CDH13: variants seen among roughly 807,000 people sequenced by gnomAD.
CDH13 encodes the protein cadherin 13.
In CDH13, 24 loss-of-function variants were observed where a neutral mutation model predicts 63.8. That is an observed-to-expected ratio of 0.38 (90% CI 0.27 to 0.53). The LOEUF (loss-of-function observed/expected upper bound fraction) is 0.53, where lower values mean the gene tolerates loss of function less well. Ranked by LOEUF, CDH13 falls within the 20% of genes least tolerant of loss-of-function variation. The pLI is 0.85. For synonymous variants in CDH13, 503 were observed against 355.3 expected, an observed-to-expected ratio of 1.42 and a Z score of -4.67; for missense variants, 1,049 against 903.1, an observed-to-expected ratio of 1.16 and a Z score of -2.07.
rs1598343192 is a variant in CDH13, at chr16:83,593,236, A to G, written c.961-9218A>G. ...GAAACGAATGAATGAATTCCATTAC[A>G]TCTTTGCTATGTAGCTCATGTTAAT... On this transcript the variant is annotated intron_variant, in intron 7 of 13. Transcript: ENST00000567109. Among the ~76,000 whole-genome samples the G allele has an allele frequency of 2.6e-5, 4 of 152,340 alleles. No homozygotes were observed. The South Asian group carries it at 8.3e-4, about 32-fold the overall frequency.
intron 7 of CDH13, among the ~76,000 whole-genome samples, chr16:83,512,795 C>T: frequency 6.6e-6 from 1 of 152,042 alleles, no homozygotes; most frequent in Non-Finnish European, 1.5e-5. Context: ...TAGCCACATC[C>T]CCTGAGATCC....
At chr16:82,949,803 T>C (rs530579899) in intron 2 of CDH13, among the ~76,000 whole-genome samples, 9 of 152,228 alleles carry the variant, frequency 5.9e-5, no homozygotes, top group African/African-American at 2.2e-4. Context: ...TTTGTGTTAA[T>C]TATAAGTTGC....
chr16:83,154,158 C>T (rs150239374), intron 4 of CDH13, among the ~76,000 whole-genome samples: 1 of 152,144 alleles, frequency 6.6e-6, no homozygotes, highest in African/African-American at 2.4e-5. Flanking sequence ...GGTTCTGCCA[C>T]CTTTGTCGTT....
chr16:83,636,098 TAAA>T (rs56081056), intron 8 of CDH13, among the ~76,000 whole-genome samples: 1 of 147,660 alleles, frequency 6.8e-6, no homozygotes, highest in Admixed American at 6.7e-5. Context: ...TCCCCTTGAT[TAAA>T]AAAAAAAAAA....
At chr16:83,364,167 G>T (rs979566979) in intron 6 of CDH13, among the ~76,000 whole-genome samples, 1 of 152,140 alleles carries the variant, frequency 6.6e-6, no homozygotes, top group Non-Finnish European at 1.5e-5. Flanking sequence ...CATCCATCTA[G>T]GTTCTTGGTA....
At chr16:82,993,639 T>G (rs940978294) in intron 2 of CDH13, among the ~76,000 whole-genome samples, 3 of 152,188 alleles carry the variant, frequency 2.0e-5, no homozygotes, top group African/African-American at 7.2e-5. Context: ...TATATCAGAC[T>G]GTGTCTGCTA....
At chr16:82,790,103 CT>C (rs1470208715) in intron 1 of CDH13, among the ~76,000 whole-genome samples, 2 of 152,100 alleles carry the variant, frequency 1.3e-5, no homozygotes, top group East Asian at 3.9e-4. Context: ...ACACACATGC[CT>C]ACACCCCCCC....
chr16:83,243,245 C>G (rs1168548532), intron 5 of CDH13, among the ~76,000 whole-genome samples: 1 of 152,158 alleles, frequency 6.6e-6, no homozygotes, highest in Non-Finnish European at 1.5e-5. Context: ...ATACCTGCGA[C>G]TGGGTAATTT....
chr16:82,859,944 G>C (rs2039870722), intron 2 of CDH13, among the ~76,000 whole-genome samples: 1 of 152,178 alleles, frequency 6.6e-6, no homozygotes. Flanking sequence ...GGCACAATAA[G>C]TGAATTCCAA....
At chr16:83,558,602 A>G (rs1392828288) in intron 7 of CDH13, among the ~76,000 whole-genome samples, 1 of 152,210 alleles carries the variant, frequency 6.6e-6, no homozygotes, top group East Asian at 1.9e-4. Flanking sequence ...ATCTGCATCT[A>G]CATGTAACAT....
intron 5 of CDH13, among the ~76,000 whole-genome samples, chr16:83,299,733 G>C (rs2089688206): frequency 6.6e-6 from 1 of 152,160 alleles, no homozygotes. Flanking sequence ...TGTTATTACT[G>C]CAATCTCAAG....
intron 7 of CDH13, among the ~76,000 whole-genome samples, chr16:83,493,182 C>T (rs2074058299): frequency 6.6e-6 from 1 of 152,150 alleles, no homozygotes; most frequent in Non-Finnish European, 1.5e-5. Flanking sequence ...TCTATAAGCA[C>T]TCTGTAAATA....
intron 2 of CDH13, among the ~76,000 whole-genome samples, chr16:82,956,776 A>G (rs1906177144): frequency 6.6e-6 from 1 of 152,192 alleles, no homozygotes; most frequent in Non-Finnish European, 1.5e-5. Flanking sequence ...ATGAGCTTTG[A>G]AAAGTACTTT....
At position 83,344,995 on chromosome 16, in the gene CDH13, G is replaced by C; in HGVS notation, c.770G>C (p.Gly257Ala). Reference sequence around the variant, plus strand: ...CCCTACATCGGCCACGTCATGGAAGGGTCACCCACAGGTATGTCACATTGG... The same window carrying C: ...CCCTACATCGGCCACGTCATGGAAGCGTCACCCACAGGTATGTCACATTGG... ...EGPYIGHVME[G>A]SPTGTTVMRM... Residue 257 changes from glycine (G) to alanine (A), a missense_variant, in exon 6 of 14, where the codon GGG becomes GCG. Coordinates refer to ENST00000567109, the MANE Select transcript of CDH13 (RefSeq NM_001257.5). 1 of 1,613,830 alleles carries C rather than the reference G, an allele frequency of 6.2e-7. No individual in the cohort carries two copies. Among genetic ancestry groups the C allele is most frequent in the Admixed American group, 1.7e-5 (1 of 60,016 alleles).
At chr16:83,330,549 G>T (rs1212766446) in intron 5 of CDH13, among the ~76,000 whole-genome samples, 1 of 152,160 alleles carries the variant, frequency 6.6e-6, no homozygotes, top group African/African-American at 2.4e-5. Context: ...TTAACTCTGG[G>T]TCCCAAGGGA....
chr16:83,496,581 C>CA (rs1272806681), intron 7 of CDH13, among the ~76,000 whole-genome samples: 1 of 152,126 alleles, frequency 6.6e-6, no homozygotes, highest in African/African-American at 2.4e-5. Flanking sequence ...TAGGCTTTAC[C>CA]ATTCAGGACA....
intron 2 of CDH13, among the ~76,000 whole-genome samples, chr16:83,026,005 C>T (rs550801131): frequency 5.9e-5 from 9 of 152,274 alleles, no homozygotes; most frequent in Admixed American, 5.2e-4. Context: ...CTTAGATGGC[C>T]AGCCTTGAGA....
At chr16:83,313,863 T>C (rs2090051489) in intron 5 of CDH13, among the ~76,000 whole-genome samples, 1 of 152,190 alleles carries the variant, frequency 6.6e-6, no homozygotes, top group South Asian at 2.1e-4. Flanking sequence ...TGAGCTTTTA[T>C]AGGGTTTTAT....
At chr16:83,035,318 C>T (rs895364446) in intron 3 of CDH13, among the ~76,000 whole-genome samples, 16 of 151,966 alleles carry the variant, frequency 1.1e-4, no homozygotes, top group African/African-American at 2.2e-4. Context: ...GGGTACCAGG[C>T]GGGGAGCTAA....
Sources: gnomAD v4.1 joint callset for allele counts (sites outside exome capture counted in the v4.1 genomes callset) on GRCh38, gnomAD v4.1.1 for gene constraint, MANE v1.5 for transcripts, NCBI Gene and HGNC (gene_info 2026-07-23, HGNC 2026-07-21) for gene names.